Variants in CTDSPL observed in about 807,000 individuals in gnomAD.
The protein encoded by CTDSPL is CTD small phosphatase like.
CTDSPL carries 8 observed loss-of-function variants against 30.5 expected under a neutral mutation model. That is an observed-to-expected ratio of 0.26 (90% CI 0.15 to 0.47). The LOEUF (loss-of-function observed/expected upper bound fraction) is 0.47, where lower values mean the gene tolerates loss of function less well. Ranked by LOEUF, CTDSPL falls within the 20% of genes least tolerant of loss-of-function variation. The pLI is 0.99. For synonymous variants in CTDSPL, 110 were observed against 137.9 expected (o/e 0.80, Z 1.42); for missense variants, 248 against 366.1 (o/e 0.68, Z 2.63).
intron 1 of CTDSPL, among the ~76,000 whole-genome samples, chr3:37,913,732 G>A (rs1313255478): frequency 3.3e-5 from 5 of 152,218 alleles, no homozygotes; most frequent in African/African-American, 1.2e-4. Flanking sequence ...CAGAGAGTGA[G>A]GATATTGCTC....
chr3:37,888,418 A>G (rs956607371), intron 1 of CTDSPL, among the ~76,000 whole-genome samples: 7 of 152,160 alleles, frequency 4.6e-5, no homozygotes, highest in East Asian at 1.9e-4. Context: ...CACGTTGCCA[A>G]GTTAACTTTT....
chr3:37,879,028 C>T (rs1357158965), intron 1 of CTDSPL, among the ~76,000 whole-genome samples: 1 of 151,912 alleles, frequency 6.6e-6, no homozygotes, highest in African/African-American at 2.4e-5. Context: ...TGTGGGACAC[C>T]TTTCTGGCCA....
At chr3:37,967,914 T>C in intron 5 of CTDSPL, 32 bp downstream of exon 5, 2 of 1,445,748 alleles carry the variant, frequency 1.4e-6, no homozygotes, top group South Asian at 2.5e-5. Context: ...TGAGTTTCAA[T>C]TAAGATTTTT....
intron 1 of CTDSPL, among the ~76,000 whole-genome samples, chr3:37,939,816 G>T (rs1028248355): frequency 6.6e-6 from 1 of 150,442 alleles, no homozygotes; most frequent in Non-Finnish European, 1.5e-5. Context: ...TTTCTGGGCT[G>T]GGCACGGTGG....
intron 3 of CTDSPL, among the ~76,000 whole-genome samples, chr3:37,963,479 A>G (rs1246619001): frequency 1.3e-5 from 2 of 152,214 alleles, no homozygotes; most frequent in South Asian, 2.1e-4. Context: ...TTGATGAACT[A>G]AATTGTCCAT....
At chr3:37,872,048 G>A (rs1698077080) in intron 1 of CTDSPL, among the ~76,000 whole-genome samples, 1 of 152,172 alleles carries the variant, frequency 6.6e-6, no homozygotes, top group African/African-American at 2.4e-5. Flanking sequence ...GCGGAGTGCA[G>A]TGGTGTGATC....
chr3:37,873,256 A>G (rs927263972), intron 1 of CTDSPL, among the ~76,000 whole-genome samples: 1 of 152,150 alleles, frequency 6.6e-6, no homozygotes, highest in Non-Finnish European at 1.5e-5. Context: ...TGTGTGGCGG[A>G]AGGGATGGGG....
chr3:37,933,400 A>G (rs1698878624), intron 1 of CTDSPL, among the ~76,000 whole-genome samples: 1 of 152,150 alleles, frequency 6.6e-6, no homozygotes, highest in Non-Finnish European at 1.5e-5. Flanking sequence ...CTCTTTACCC[A>G]TATAAGATTG....
intron 3 of CTDSPL, among the ~76,000 whole-genome samples, chr3:37,958,119 T>C (rs182792857): frequency 6.6e-6 from 1 of 152,336 alleles, no homozygotes; most frequent in Admixed American, 6.5e-5. Context: ...CAATCTTACA[T>C]AGAAAGGAGT....
At chr3:37,878,019 T>C (rs1698158287) in intron 1 of CTDSPL, among the ~76,000 whole-genome samples, 1 of 152,160 alleles carries the variant, frequency 6.6e-6, no homozygotes, top group South Asian at 2.1e-4. Flanking sequence ...ATCACCTCCA[T>C]ACTGTTTTCC....
intron 2 of CTDSPL, among the ~76,000 whole-genome samples, chr3:37,951,231 G>A (rs556259680): frequency 6.6e-6 from 1 of 152,248 alleles, no homozygotes; most frequent in South Asian, 2.1e-4. Flanking sequence ...AGCTGGGCAT[G>A]GTGGCGGGCA....
At chr3:37,902,445 G>A (rs1213308010) in intron 1 of CTDSPL, among the ~76,000 whole-genome samples, 1 of 152,078 alleles carries the variant, frequency 6.6e-6, no homozygotes, top group Admixed American at 6.6e-5. Context: ...TTTTCCATGG[G>A]TCTCTGTACT....
chr3:37,862,170 G>T lies in CTDSPL; in HGVS notation c.-30G>T. ...GCGCGCTTGGCTTGCGGGGGGCCGGGCCTGCGGGCGGCCGCCGCGCCGCGC... is the reference window on the plus strand; with the variant it reads ...GCGCGCTTGGCTTGCGGGGGGCCGGTCCTGCGGGCGGCCGCCGCGCCGCGC... On this transcript the variant is annotated 5_prime_UTR_variant, in exon 1 of 8. Transcript: ENST00000273179. This position sits in a 1 kb window ranked among gnomAD's most constrained non-coding sequence, Gnocchi z 4.3. 5.5e-6 allele frequency: 6 copies of T among 1,093,092 alleles called. No individual in the cohort carries two copies. The highest frequency in any genetic ancestry group is 6.7e-6 in the Non-Finnish European group (6 of 897,836). The allele number at this position is 1,093,092 out of a possible 1,614,324, so 67.7% of individuals were successfully genotyped here. A position where few individuals can be genotyped will look rare whatever the true frequency, so the allele number is the denominator to read the frequency against.
At chr3:37,904,511 G>A (rs1033595363) in intron 1 of CTDSPL, among the ~76,000 whole-genome samples, 3 of 152,162 alleles carry the variant, frequency 2.0e-5, no homozygotes, top group Admixed American at 1.3e-4. Context: ...GGGGGCACCT[G>A]TCAAGGGCAA....
At chr3:37,875,860 A>G (rs529256413) in intron 1 of CTDSPL, among the ~76,000 whole-genome samples, 2 of 152,374 alleles carry the variant, frequency 1.3e-5, no homozygotes, top group South Asian at 4.1e-4. Context: ...ATGTATGAGC[A>G]CTTATTGGTA....
chr3:37,908,460 T>G (rs1000513681), intron 1 of CTDSPL, among the ~76,000 whole-genome samples: 2 of 152,238 alleles, frequency 1.3e-5, no homozygotes, highest in African/African-American at 4.8e-5. Context: ...ACGTAGACTC[T>G]GTCATCATTA....
At chr3:37,950,681 G>C (rs1280878715) in intron 2 of CTDSPL, among the ~76,000 whole-genome samples, 1 of 152,168 alleles carries the variant, frequency 6.6e-6, no homozygotes, top group African/African-American at 2.4e-5. Flanking sequence ...AAATTTTCTT[G>C]AGCTGAAAAC....
intron 1 of CTDSPL, among the ~76,000 whole-genome samples, chr3:37,872,972 G>A (rs1698093612): frequency 1.3e-5 from 2 of 152,182 alleles, no homozygotes; most frequent in Admixed American, 6.5e-5. Flanking sequence ...ACCACTGGCT[G>A]TGAGTGAAAG....
chr3:37,978,581 G>T (rs1575327233), intron 7 of CTDSPL, among the ~76,000 whole-genome samples: 1 of 152,276 alleles, frequency 6.6e-6, no homozygotes, highest in Non-Finnish European at 1.5e-5. Context: ...GGCACACGAG[G>T]TCAAGTGTAG....
Sources: gnomAD v4.1 joint callset for allele counts (sites outside exome capture counted in the v4.1 genomes callset) on GRCh38, gnomAD v4.1.1 for gene constraint, Gnocchi (gnomAD v3.1) non-coding constraint, MANE v1.5 for transcripts, NCBI Gene and HGNC (gene_info 2026-07-23, HGNC 2026-07-21) for gene names.